The following PCDHGA11 variants were observed in gnomAD, a reference collection of about 807,000 sequenced individuals.
The protein encoded by PCDHGA11 is protocadherin gamma subfamily A, 11, also known as protocadherin gamma-A11.
A neutral mutation model predicts 60.4 loss-of-function variants in PCDHGA11; 39 were observed. That is an observed-to-expected ratio of 0.65 (90% CI 0.50 to 0.84). The LOEUF (loss-of-function observed/expected upper bound fraction) is 0.84, where lower values mean the gene tolerates loss of function less well. Among genes scored for constraint, PCDHGA11 ranks in the 40% least tolerant of loss-of-function variants. PCDHGA11 has a pLI of 0.00. For synonymous variants in PCDHGA11, 533 were observed against 510.3 expected (o/e 1.04, Z -0.60); for missense variants, 1,165 against 1,197.7 (o/e 0.97, Z 0.40).
intron 1 of PCDHGA11, among the ~76,000 whole-genome samples, chr5:141,480,299 C>T: frequency 7.5e-6 from 1 of 132,466 alleles, no homozygotes; most frequent in Non-Finnish European, 1.6e-5. Flanking sequence ...CCTGTGGTAC[C>T]AGCTACTTGG....
chr5:141,468,039 A>G (rs1007212946), intron 1 of PCDHGA11, among the ~76,000 whole-genome samples: 21 of 152,262 alleles, frequency 1.4e-4, no homozygotes, highest in African/African-American at 5.1e-4. Context: ...CATTTAGAAA[A>G]CTAAGCCGGG....
At chr5:141,475,282 G>C (rs942761003) in intron 1 of PCDHGA11, among the ~76,000 whole-genome samples, 2 of 152,150 alleles carry the variant, frequency 1.3e-5, no homozygotes, top group African/African-American at 4.8e-5. Context: ...TGAAAGACAG[G>C]GTAGGGAAAT....
rs573580017 is a variant in PCDHGA11, at chr5:141,484,867, G to T, written c.2434-9940G>T. 33 of 282,678 alleles carry T rather than the reference G, an allele frequency of 1.2e-4. No individual in the cohort carries two copies. The South Asian group carries it at 1.6e-3, about 14-fold the overall frequency. The allele number at this position is 282,678 out of a possible 1,614,324, so 17.5% of individuals were successfully genotyped here. On this transcript the variant is annotated intron_variant, in intron 1 of 3. Transcript: ENST00000398587. ...TGGGTTTTTTGGGGGGTGGGGGAGC[G>T]TGGAGGATAGGGTGGGCTTTTTCCC...
rs1188870363 is a variant in PCDHGA11 at position 141,490,058 on chromosome 5, C to A, written c.2434-4749C>A. 16 of 1,614,230 alleles carry A rather than the reference C, an allele frequency of 9.9e-6. No individual in the cohort carries two copies. In the East Asian group the frequency reaches 3.6e-4, roughly 36 times the overall value. The stretch of plus-strand genomic sequence containing the variant: ...AATGCCACTGATCCAGACGAGGGCA[C>A]CAACGGCCAACTAGACTATTCTTTT... On this transcript the variant is annotated intron_variant, in intron 1 of 3. Coordinates refer to ENST00000398587, the MANE Select transcript of PCDHGA11 (RefSeq NM_018914.3). This position sits in a 1 kb window ranked among gnomAD's most constrained non-coding sequence, Gnocchi z 5.4.
intron 1 of PCDHGA11, among the ~76,000 whole-genome samples, chr5:141,425,919 GA>G (rs2096903434): frequency 6.6e-6 from 1 of 152,056 alleles, no homozygotes; most frequent in African/African-American, 2.4e-5. Flanking sequence ...CAGTCACTAC[GA>G]AAACTCATAA....
intron 1 of PCDHGA11, among the ~76,000 whole-genome samples, chr5:141,465,091 G>A (rs1689517062): frequency 6.7e-6 from 1 of 149,016 alleles, no homozygotes; most frequent in Non-Finnish European, 1.5e-5. Context: ...CATTTTTCTA[G>A]TAGTTTTTTT....
chr5:141,476,271 C>T lies in PCDHGA11; in HGVS notation c.2434-18536C>T. Reference sequence around the variant, plus strand: ...GGTTTCGCTGTGGGCAACGTGGTCGCGAACCTTGGTTTGGATCTCGGTAGC... The same window carrying T: ...GGTTTCGCTGTGGGCAACGTGGTCGTGAACCTTGGTTTGGATCTCGGTAGC... On this transcript the variant is annotated intron_variant, in intron 1 of 3. Coordinates refer to ENST00000398587, the MANE Select transcript of PCDHGA11 (RefSeq NM_018914.3). This position sits in a 1 kb window ranked among gnomAD's most constrained non-coding sequence, Gnocchi z 7.6. 4 of 1,613,892 alleles carry T rather than the reference C, an allele frequency of 2.5e-6. No homozygotes were observed. The highest frequency in any genetic ancestry group is 3.4e-6 in the Non-Finnish European group (4 of 1,179,974).
chr5:141,457,471 C>T (rs1478580665), intron 1 of PCDHGA11, among the ~76,000 whole-genome samples: 1 of 152,182 alleles, frequency 6.6e-6, no homozygotes, highest in African/African-American at 2.4e-5. Context: ...CAGGAATAAG[C>T]AGGGCCAGGG....
At chr5:141,446,079 A>T (rs2098487021) in intron 1 of PCDHGA11, among the ~76,000 whole-genome samples, 1 of 152,234 alleles carries the variant, frequency 6.6e-6, no homozygotes, top group Non-Finnish European at 1.5e-5. Context: ...CAGTGGATGT[A>T]GAAATAAATG....
intron 1 of PCDHGA11, among the ~76,000 whole-genome samples, chr5:141,451,284 G>C (rs950768919): frequency 2.6e-5 from 4 of 152,186 alleles, no homozygotes; most frequent in African/African-American, 9.7e-5. Flanking sequence ...GAGTGCCTCT[G>C]CCTCAAAGTC....
chr5:141,439,588 T>C (rs2098121813), intron 1 of PCDHGA11, among the ~76,000 whole-genome samples: 2 of 152,200 alleles, frequency 1.3e-5, no homozygotes, highest in South Asian at 4.1e-4. Flanking sequence ...AGTGCCACTG[T>C]TGGCCAGTCT....
Position 141,432,295 on chromosome 5 carries a change from G to A in PCDHGA11, c.2433+8635G>A. 6.2e-7 allele frequency: 1 copy of A among 1,614,222 alleles called. No individual in the cohort carries two copies. The highest frequency in any genetic ancestry group is 8.5e-7 in the Non-Finnish European group (1 of 1,180,034). ...ACGTGTCCATCAACTCCGACACTGG[G>A]GTACTGTATGCGCTGAGCTCCTTCG... is the stretch of plus-strand genomic sequence containing the variant. On this transcript the variant is annotated intron_variant, in intron 1 of 3. Coordinates refer to ENST00000398587, the MANE Select transcript of PCDHGA11 (RefSeq NM_018914.3). This position sits in a 1 kb window ranked among gnomAD's most constrained non-coding sequence, Gnocchi z 6.0.
At chr5:141,448,639 T>C (rs1248697237) in intron 1 of PCDHGA11, among the ~76,000 whole-genome samples, 1 of 152,148 alleles carries the variant, frequency 6.6e-6, no homozygotes, top group Non-Finnish European at 1.5e-5. Context: ...CATTATATCC[T>C]TTAAAAATAT....
rs564367150 is a variant in PCDHGA11 at position 141,464,990 on chromosome 5, C to T, written c.2434-29817C>T. Among the ~76,000 whole-genome samples, 147 of 152,192 alleles carry T rather than the reference C, an allele frequency of 9.7e-4. 1 individual carries two copies. Among genetic ancestry groups the T allele is most frequent in the African/African-American group, 3.5e-3 (144 of 41,536 alleles). On this transcript the variant is annotated intron_variant, in intron 1 of 3. Transcript: ENST00000398587. ...CTACTGGCTTCAAGTGATCCTCCCA[C>T]CTCAGCCTCCCAAAGTGCTAAGATT...
In PCDHGA11 at chr5:141,485,697, A is replaced by G. The variant is rs76923861; in HGVS notation, c.2434-9110A>G. 48,100 of 1,614,036 alleles carry G rather than the reference A, an allele frequency of 0.03. 1,433 individuals carry two copies. Among genetic ancestry groups the G allele is most frequent in the African/African-American group, 0.15 (11,542 of 75,006 alleles). The stretch of plus-strand genomic sequence containing the variant: ...ATTAGCAGCTATAGGCTGAGCTCCA[A>G]TGAACACTTTGCACTGGATGTGAAG... On this transcript the variant is annotated intron_variant, in intron 1 of 3. Transcript: ENST00000398587. The surrounding 1 kb of genome is among the most constrained non-coding windows in gnomAD (Gnocchi z 5.7).
At chr5:141,475,217 A>G (rs1053906682) in intron 1 of PCDHGA11, among the ~76,000 whole-genome samples, 4 of 152,196 alleles carry the variant, frequency 2.6e-5, no homozygotes, top group Non-Finnish European at 5.9e-5. Flanking sequence ...AGGATTGATC[A>G]AGTAAAGGGA....
chr5:141,491,528 C>T lies in PCDHGA11; in HGVS notation c.2434-3279C>T, dbSNP rs745806026. ...GGCACGCTCAAGTACATGGAGGTGACGCTGCGGCCCACAGACTCGCAGAGC... is the reference window on the plus strand; with the variant it reads ...GGCACGCTCAAGTACATGGAGGTGATGCTGCGGCCCACAGACTCGCAGAGC... On this transcript the variant is annotated intron_variant, in intron 1 of 3. Coordinates refer to ENST00000398587, the MANE Select transcript of PCDHGA11 (RefSeq NM_018914.3). The surrounding 1 kb of genome is among the most constrained non-coding windows in gnomAD (Gnocchi z 6.9). 4 of 1,613,950 alleles carry T rather than the reference C, an allele frequency of 2.5e-6. No individual in the cohort carries two copies. Among genetic ancestry groups the T allele is most frequent in the South Asian group, 1.1e-5 (1 of 91,092 alleles).
chr5:141,432,992 G>A lies in PCDHGA11; in HGVS notation c.2433+9332G>A, dbSNP rs777975384. On this transcript the variant is annotated intron_variant, in intron 1 of 3. Coordinates refer to ENST00000398587, the MANE Select transcript of PCDHGA11 (RefSeq NM_018914.3). The surrounding 1 kb of genome is among the most constrained non-coding windows in gnomAD (Gnocchi z 6.0). The stretch of plus-strand genomic sequence containing the variant: ...GGCGTCGCACTTTGTGGGCGTGGAC[G>A]GGGTGCAGGCTTTCCTGCAGACCTA... 1.9e-6 allele frequency: 3 copies of A among 1,614,174 alleles called. No homozygotes were observed. In the Admixed American group the frequency reaches 5.0e-5, roughly 27 times the overall value.
chr5:141,439,176 T>C (rs1044289122), intron 1 of PCDHGA11, among the ~76,000 whole-genome samples: 3 of 146,068 alleles, frequency 2.1e-5, no homozygotes, highest in African/African-American at 7.8e-5. Context: ...CTGGGCGACA[T>C]AGTGAGACTC....
Sources: gnomAD v4.1 joint callset for allele counts (sites outside exome capture counted in the v4.1 genomes callset) on GRCh38, gnomAD v4.1.1 for gene constraint, Gnocchi (gnomAD v3.1) non-coding constraint, MANE v1.5 for transcripts, NCBI Gene and HGNC (gene_info 2026-07-23, HGNC 2026-07-21) for gene names.